The following SPON1 variants were observed in gnomAD, a reference collection of about 807,000 sequenced individuals.
SPON1 encodes spondin 1, also known as spondin-1.
In SPON1, 52 loss-of-function variants were observed where a neutral mutation model predicts 111.7. That is an observed-to-expected ratio of 0.47 (90% CI 0.37 to 0.59). The LOEUF is 0.59. Among genes scored for constraint, SPON1 ranks in the 20% least tolerant of loss-of-function variants. SPON1 has a pLI of 0.00. For missense variants in SPON1, 957 were observed against 1,068.5 expected, an observed-to-expected ratio of 0.90 and a Z score of 1.46; for synonymous variants, 410 against 395.8, an observed-to-expected ratio of 1.04 and a Z score of -0.43.
Position 14,106,812 on chromosome 11 carries a change from A to G in SPON1, c.676+26791A>G, listed in dbSNP as rs573590983. On this transcript the variant is annotated intron_variant, in intron 5 of 15. Coordinates refer to ENST00000576479, the MANE Select transcript of SPON1 (RefSeq NM_006108.4). ...TTGTAATCCCTTTACTATACCACTGAGTTGATTGATTAAATTGAAAGTTAT... is the reference window on the plus strand; with the variant it reads ...TTGTAATCCCTTTACTATACCACTGGGTTGATTGATTAAATTGAAAGTTAT... 5.9e-5 allele frequency among the ~76,000 whole-genome samples: 9 copies of G among 152,254 alleles called. No individual in the cohort carries two copies. In the South Asian group the frequency reaches 1.9e-3, roughly 32 times the overall value.
intron 5 of SPON1, among the ~76,000 whole-genome samples, chr11:14,114,337 G>A (rs1276992911): frequency 6.6e-6 from 1 of 152,204 alleles, no homozygotes; most frequent in East Asian, 1.9e-4. Flanking sequence ...AACAAATAAA[G>A]TTCTGATGCT....
At chr11:14,039,400 T>C (rs1848616857) in intron 2 of SPON1, among the ~76,000 whole-genome samples, 1 of 152,104 alleles carries the variant, frequency 6.6e-6, no homozygotes, top group Non-Finnish European at 1.5e-5. Context: ...TGATATAGGA[T>C]GTTGATAGTG....
At chr11:14,054,837 T>C (rs1225753586) in intron 3 of SPON1, among the ~76,000 whole-genome samples, 1 of 152,174 alleles carries the variant, frequency 6.6e-6, no homozygotes, top group African/African-American at 2.4e-5. Flanking sequence ...ATATCTACCA[T>C]GCTTCTGCGG....
chr11:14,057,659 G>A (rs149959119), intron 3 of SPON1, among the ~76,000 whole-genome samples: 8 of 151,928 alleles, frequency 5.3e-5, no homozygotes, highest in East Asian at 3.9e-4. Context: ...TTTTTATACC[G>A]CTCTTGTAAG....
chr11:14,215,510 T>C (rs1848617493), intron 6 of SPON1, among the ~76,000 whole-genome samples: 1 of 152,138 alleles, frequency 6.6e-6, no homozygotes, highest in African/African-American at 2.4e-5. Flanking sequence ...TCAGACTTTC[T>C]ACATGATGGC....
At chr11:14,057,690 G>T (rs536490962) in intron 3 of SPON1, among the ~76,000 whole-genome samples, 5 of 151,876 alleles carry the variant, frequency 3.3e-5, no homozygotes, top group African/African-American at 1.2e-4. Flanking sequence ...GGTTGAAATG[G>T]TTTCAAATTA....
intron 6 of SPON1, among the ~76,000 whole-genome samples, chr11:14,219,989 A>C (rs1848663733): frequency 6.7e-6 from 1 of 148,686 alleles, no homozygotes; most frequent in Admixed American, 6.8e-5. Flanking sequence ...CAGGAGGCTG[A>C]GGTGGGAGGA....
At position 14,015,817 on chromosome 11, in the gene SPON1, G is replaced by A. The variant is rs141745114; in HGVS notation, c.346-25704G>A. Among the ~76,000 whole-genome samples the A allele has an allele frequency of 3.3e-4, 50 of 152,324 alleles. No individual in the cohort carries two copies. In the East Asian group the frequency reaches 6.9e-3, roughly 21 times the overall value. ...GTGAGTCATGCTGCCTGAATGCAGT[G>A]TGTCAGAGGCTCAGGGTCTCAGGGA... On this transcript the variant is annotated intron_variant, in intron 2 of 15. Transcript: ENST00000576479.
intron 2 of SPON1, among the ~76,000 whole-genome samples, chr11:14,024,482 C>T (rs1275815285): frequency 1.3e-5 from 2 of 152,118 alleles, no homozygotes; most frequent in South Asian, 2.1e-4. Context: ...AGTCAGGCTA[C>T]CCAGTGGCAG....
chr11:14,101,646 CT>C (rs1334664471), intron 5 of SPON1, among the ~76,000 whole-genome samples: 33 of 151,908 alleles, frequency 2.2e-4, no homozygotes, highest in Non-Finnish European at 4.4e-4. Flanking sequence ...TCACTGCTGC[CT>C]TTAAAAAGGC....
At chr11:14,051,619 A>G (rs1159336692) in intron 3 of SPON1, among the ~76,000 whole-genome samples, 2 of 152,024 alleles carry the variant, frequency 1.3e-5, no homozygotes, top group Non-Finnish European at 2.9e-5. Context: ...CCATCTTTAA[A>G]CCATGAAGAG....
intron 2 of SPON1, among the ~76,000 whole-genome samples, chr11:13,990,373 CTTTTTTTTTTTTTTTT>C (rs1159719282): frequency 0.02 from 444 of 21,706 alleles, 5 homozygotes; most frequent in African/African-American, 0.054. Context: ...GCAACTCCTG[CTTTTTTTTTTTTTTTT>C]TTTTTTTTTT....
intron 2 of SPON1, among the ~76,000 whole-genome samples, chr11:14,040,272 A>G (rs1848622522): frequency 6.6e-6 from 1 of 152,208 alleles, no homozygotes; most frequent in African/African-American, 2.4e-5. Flanking sequence ...GAATGGTTAC[A>G]TAAAATGTGA....
At chr11:14,045,572 C>T (rs565110097) in intron 3 of SPON1, among the ~76,000 whole-genome samples, 2 of 150,302 alleles carry the variant, frequency 1.3e-5, no homozygotes, top group Non-Finnish European at 3.0e-5. Context: ...AGTGAGACTC[C>T]ATCTAAAAAA....
At chr11:14,068,534 G>A (rs1848850642) in intron 3 of SPON1, among the ~76,000 whole-genome samples, 1 of 152,218 alleles carries the variant, frequency 6.6e-6, no homozygotes, top group Non-Finnish European at 1.5e-5. Flanking sequence ...TGTCTGCTCA[G>A]AGCAGAGAAC....
At chr11:14,109,148 C>G (rs983401867) in intron 5 of SPON1, among the ~76,000 whole-genome samples, 3 of 152,188 alleles carry the variant, frequency 2.0e-5, no homozygotes, top group Non-Finnish European at 4.4e-5. Flanking sequence ...CTTTACAACT[C>G]TTTGTGCCCT....
intron 2 of SPON1, among the ~76,000 whole-genome samples, chr11:13,990,977 T>C (rs2618514): frequency 0.48 from 72,803 of 152,018 alleles, 18,109 homozygotes; most frequent in East Asian, 0.69. Context: ...GTGGGTAACA[T>C]GACCTTTCTC....
rs55784495 is a variant in SPON1, at chr11:14,214,232, T to A, written c.826-29100T>A. On this transcript the variant is annotated intron_variant, in intron 6 of 15. Transcript: ENST00000576479. ...TGGTCCTCTGCGCGTAGGGCCCCCA[T>A]CCCTAGCCGGATCAAATCTTGGAAT... is the stretch of plus-strand genomic sequence containing the variant. 9.2e-3 allele frequency among the ~76,000 whole-genome samples: 1,404 copies of A among 152,248 alleles called. 14 individuals are homozygous for A. Among genetic ancestry groups the A allele is most frequent in the Middle Eastern group, 0.017 (5 of 294 alleles).
At chr11:14,240,794 GCAAA>G (rs1179304368) in intron 6 of SPON1, among the ~76,000 whole-genome samples, 9 of 152,140 alleles carry the variant, frequency 5.9e-5, no homozygotes, top group Admixed American at 5.9e-4. Context: ...TTCTTCAAGA[GCAAA>G]CAGACTGTCA....
Sources: allele counts gnomAD v4.1 joint callset (sites outside exome capture counted in the v4.1 genomes callset), GRCh38; gene constraint gnomAD v4.1.1; transcripts MANE v1.5; gene names NCBI Gene and HGNC (gene_info 2026-07-23, HGNC 2026-07-21).